The following DSC2 variants were observed in gnomAD, a reference collection of about 807,000 sequenced individuals.
The protein encoded by DSC2 is desmocollin-2.
In DSC2, 51 loss-of-function variants were observed where a neutral mutation model predicts 87.6. That is an observed-to-expected ratio of 0.58 (90% CI 0.46 to 0.74). The LOEUF is 0.74. Ranked by LOEUF, DSC2 falls within the 30% of genes least tolerant of loss-of-function variation. DSC2 has a pLI of 0.00. For missense variants in DSC2, 1,066 were observed against 1,089.5 expected (o/e 0.98, Z 0.30); for synonymous variants, 383 against 393.2 (o/e 0.97, Z 0.31).
At chr18:31,081,475 T>C (rs1020384362) in intron 9 of DSC2, among the ~76,000 whole-genome samples, 1 of 152,102 alleles carries the variant, frequency 6.6e-6, no homozygotes, top group Non-Finnish European at 1.5e-5. Context: ...GAGACAAGAT[T>C]TAAAGGAAAT....
At chr18:31,087,648 A>G (rs1567980532) in intron 6 of DSC2, 21 bp downstream of exon 6, 2 of 1,607,736 alleles carry the variant, frequency 1.2e-6, no homozygotes, top group African/African-American at 1.3e-5. Flanking sequence ...TTTGCCATAT[A>G]TTGTTTAAGG....
chr18:31,097,290 A>G (rs935894687), intron 1 of DSC2, among the ~76,000 whole-genome samples: 18 of 150,858 alleles, frequency 1.2e-4, no homozygotes, highest in African/African-American at 4.4e-4. Flanking sequence ...TCAGTCTCAA[A>G]AAAAAAAAAA....
chr18:31,083,159 A>G (rs1166699824), intron 7 of DSC2, 99 bp from the exon 8 acceptor site: 1 of 1,329,768 alleles, frequency 7.5e-7, no homozygotes, highest in East Asian at 2.5e-5. Flanking sequence ...TAAGAATTTA[A>G]GAAGTGCATT....
At chr18:31,070,649 A>G in intron 14 of DSC2, 77 bp downstream of exon 14, 1 of 1,600,606 alleles carries the variant, frequency 6.2e-7, no homozygotes, top group African/African-American at 1.3e-5. Context: ...CTTTTCTGAG[A>G]AAAGATCATT....
At position 31,063,105 on chromosome 18, in the gene DSC2, C is replaced by T. The variant is rs4559974; in HGVS notation, c.*4910G>A. On this transcript the variant is annotated 3_prime_UTR_variant, in exon 16 of 16. Coordinates refer to ENST00000280904, the MANE Select transcript of DSC2 (RefSeq NM_024422.6). ...AGCACTTTGGGAGGCCAAGTGCTGA[C>T]AGATCACTTGAGGTCAGGAGTTCAA... is the stretch of plus-strand genomic sequence containing the variant. The T allele has an allele frequency of 0.34, 51,111 of 151,846 alleles. 9,064 individuals carry two copies. Among genetic ancestry groups the T allele is most frequent in the East Asian group, 0.68 (3,516 of 5,150 alleles). The allele number at this position is 151,846 out of a possible 1,614,324, so 9.4% of individuals were successfully genotyped here.
intron 12 of DSC2, 81 bp downstream of exon 12, chr18:31,074,602 C>T: frequency 7.6e-7 from 1 of 1,311,794 alleles, no homozygotes; most frequent in African/African-American, 1.5e-5. Context: ...GGTGAATTTT[C>T]TCCTATTTCA....
rs1226033949 is a variant in DSC2, at chr18:31,066,186, T to G, written c.*1829A>C. The G allele has an allele frequency of 6.6e-6, 1 of 152,144 alleles. No homozygotes were observed. Among genetic ancestry groups the G allele is most frequent in the Non-Finnish European group, 1.5e-5 (1 of 68,028 alleles). The allele number at this position is 152,144 out of a possible 1,614,324, so 9.4% of individuals were successfully genotyped here. ...CCCCATGGCCTCACAGCCTTTAGAA[T>G]AGTCATATTATATAAATATGGCAAT... is the stretch of plus-strand genomic sequence containing the variant. On this transcript the variant is annotated 3_prime_UTR_variant, in exon 16 of 16. Coordinates refer to ENST00000280904, the MANE Select transcript of DSC2 (RefSeq NM_024422.6).
chr18:31,073,561 A>C (rs1165934437), intron 12 of DSC2, among the ~76,000 whole-genome samples: 1 of 151,962 alleles, frequency 6.6e-6, no homozygotes, highest in Non-Finnish European at 1.5e-5. Context: ...TTCTTTTCTA[A>C]TTTGTCATAA....
At chr18:31,076,862 A>G (rs1987033690) in intron 11 of DSC2, among the ~76,000 whole-genome samples, 1 of 152,232 alleles carries the variant, frequency 6.6e-6, no homozygotes, top group African/African-American at 2.4e-5. Context: ...CTACAAAAGG[A>G]CAATCGTTAA....
At chr18:31,071,170 A>C (rs1986815140) in intron 13 of DSC2, among the ~76,000 whole-genome samples, 1 of 151,878 alleles carries the variant, frequency 6.6e-6, no homozygotes, top group South Asian at 2.1e-4. Context: ...AAAATATGTA[A>C]ATTAAATATA....
At position 31,062,907 on chromosome 18, in the gene DSC2, A is replaced by G. The variant is rs796230617; in HGVS notation, c.*5108T>C. 46 of 152,362 alleles carry G rather than the reference A, an allele frequency of 3.0e-4. No individual in the cohort carries two copies. The highest frequency in any genetic ancestry group is 1.0e-3 in the African/African-American group (43 of 41,586). 9.4% of individuals were successfully genotyped at this position (152,362 alleles called of 1,614,324 possible). ...CTTCTGAGGAAAAACAATTCAGTGC[A>G]GAATCTAACATACACCATGTCTATC... On this transcript the variant is annotated 3_prime_UTR_variant, in exon 16 of 16. Coordinates refer to ENST00000280904, the MANE Select transcript of DSC2 (RefSeq NM_024422.6).
chr18:31,089,208 TG>T lies in DSC2; in HGVS notation c.630+230del, dbSNP rs547697812. Among the ~76,000 whole-genome samples the T allele has an allele frequency of 4.3e-4, 65 of 150,006 alleles. 1 individual carries two copies. The East Asian group carries it at 0.012, about 28-fold the overall frequency. The stretch of plus-strand genomic sequence containing the variant: ...ACTGTTCTTCAAAGTGGTACTGTTG[TG>T]GGGGAAAAAAAAATAGTAAAACCAT... On this transcript the variant is annotated intron_variant, in intron 5 of 15. Transcript: ENST00000280904.
intron 11 of DSC2, 115 bp downstream of exon 11, chr18:31,079,732 A>C: frequency 2.2e-5 from 26 of 1,185,100 alleles, no homozygotes; most frequent in Non-Finnish European, 3.1e-5. Context: ...TATATTATCA[A>C]GAGATATGAA....
rs1986483131 is a variant in DSC2, at chr18:31,060,633, G to A, written c.*7382C>T. Reference sequence around the variant, plus strand: ...ACCTTTCTAGTTCTATTTATCTCTGGAGATTTGGCAATTCTGATTTTTAAA... The same window carrying A: ...ACCTTTCTAGTTCTATTTATCTCTGAAGATTTGGCAATTCTGATTTTTAAA... On this transcript the variant is annotated 3_prime_UTR_variant, in exon 16 of 16. Transcript: ENST00000280904. 6.6e-6 allele frequency: 1 copy of A among 152,154 alleles called. No individual in the cohort carries two copies. Among genetic ancestry groups the A allele is most frequent in the African/African-American group, 2.4e-5 (1 of 41,422 alleles). The allele number at this position is 152,154 out of a possible 1,614,324, so 9.4% of individuals were successfully genotyped here.
intron 1 of DSC2, among the ~76,000 whole-genome samples, chr18:31,098,752 G>A (rs1445449617): frequency 6.6e-6 from 1 of 152,126 alleles, no homozygotes; most frequent in Non-Finnish European, 1.5e-5. Flanking sequence ...CACTGCACCT[G>A]GCCTAATTTA....
chr18:31,097,239 G>A (rs1987790495), intron 1 of DSC2, among the ~76,000 whole-genome samples: 1 of 149,312 alleles, frequency 6.7e-6, no homozygotes, highest in Non-Finnish European at 1.5e-5. Context: ...AGTGAGCAGA[G>A]ATCACGCCAC....
chr18:31,070,700 T>G, intron 14 of DSC2, 26 bp downstream of exon 14: 1 of 1,612,986 alleles, frequency 6.2e-7, no homozygotes, highest in Non-Finnish European at 8.5e-7. Flanking sequence ...ATCCTTTGTA[T>G]TTATTTAAAA....
At chr18:31,084,830 A>G (rs1598585140) in intron 7 of DSC2, among the ~76,000 whole-genome samples, 1 of 152,124 alleles carries the variant, frequency 6.6e-6, no homozygotes, top group African/African-American at 2.4e-5. Context: ...AAAAATGAGA[A>G]GCTTGGAAAA....
chr18:31,084,665 C>CT (rs1036064612), intron 7 of DSC2, among the ~76,000 whole-genome samples: 70 of 146,646 alleles, frequency 4.8e-4, no homozygotes, highest in Non-Finnish European at 5.1e-4. Flanking sequence ...TGAGTTTTTG[C>CT]TTTTTTTTTT....
Sources: gnomAD v4.1 joint callset for allele counts (sites outside exome capture counted in the v4.1 genomes callset) on GRCh38, gnomAD v4.1.1 for gene constraint, MANE v1.5 for transcripts, NCBI Gene and HGNC (gene_info 2026-07-23, HGNC 2026-07-21) for gene names.